GARIN1A: variants seen among roughly 807,000 people sequenced by gnomAD.
GARIN1A encodes golgi associated RAB2 interactor 1A.
the GARIN1A span, among the ~76,000 whole-genome samples, chr7:128,701,440 G>A: frequency 9.8e-6 from 1 of 102,382 alleles, no homozygotes; most frequent in Non-Finnish European, 2.0e-5. Context: ...GGGAGGGGAG[G>A]GGAGGGGAGG....
chr7:128,672,786 C>A, the GARIN1A span, among the ~76,000 whole-genome samples: 1 of 152,160 alleles, frequency 6.6e-6, no homozygotes, highest in Admixed American at 6.5e-5. Context: ...TTGATTTATG[C>A]TTTACAAATG....
chr7:128,689,276 G>A, the GARIN1A span, among the ~76,000 whole-genome samples: 15 of 151,872 alleles, frequency 9.9e-5, no homozygotes, highest in East Asian at 3.9e-4. Context: ...TCTGGGATGC[G>A]AGGAGCCCCT....
At chr7:128,678,015 C>CTTTTTT in the GARIN1A span, 17 of 173,106 alleles carry the variant, frequency 9.8e-5, 1 homozygote, top group African/African-American at 2.9e-4. Flanking sequence ...AGAAATGTTT[C>CTTTTTT]TTTTTTTTTT....
the GARIN1A span, among the ~76,000 whole-genome samples, chr7:128,674,600 T>C: frequency 6.6e-6 from 1 of 152,176 alleles, no homozygotes; most frequent in African/African-American, 2.4e-5. Flanking sequence ...TACAACCCTT[T>C]GTGTTTTGCA....
At chr7:128,678,453 CAT>C in the GARIN1A span, among the ~76,000 whole-genome samples, 9 of 152,194 alleles carry the variant, frequency 5.9e-5, no homozygotes, top group African/African-American at 2.2e-4. Context: ...GCTCTTAACA[CAT>C]ATTGCCAGAT....
the GARIN1A span, chr7:128,677,653 A>G: frequency 1.9e-6 from 3 of 1,613,850 alleles, no homozygotes; most frequent in East Asian, 2.2e-5. Context: ...AAGATCTACT[A>G]TCTGAAGCTC....
chr7:128,708,866 C>A, the GARIN1A span, among the ~76,000 whole-genome samples: 2 of 152,110 alleles, frequency 1.3e-5, no homozygotes, highest in Admixed American at 6.6e-5. Flanking sequence ...CATCAATATC[C>A]CTCATCCTTA....
chr7:128,702,052 A>T, the GARIN1A span, among the ~76,000 whole-genome samples: 7 of 152,296 alleles, frequency 4.6e-5, no homozygotes, highest in South Asian at 8.3e-4. Context: ...AAAATTCTAT[A>T]CTCAGTGAAA....
chr7:128,681,384 T>C, the GARIN1A span, among the ~76,000 whole-genome samples: 1 of 152,056 alleles, frequency 6.6e-6, no homozygotes, highest in African/African-American at 2.4e-5. Context: ...GAGCTTTCTT[T>C]CTTTTTTCTT....
chr7:128,689,697 TGAG>T, the GARIN1A span, among the ~76,000 whole-genome samples: 11 of 144,696 alleles, frequency 7.6e-5, 3 homozygotes, highest in East Asian at 1.9e-3. Context: ...GTCTGGGAAG[TGAG>T]GAGCGTCCCC....
chr7:128,697,572 CCT>C, the GARIN1A span: 1 of 152,392 alleles, frequency 6.6e-6, no homozygotes, highest in Non-Finnish European at 1.5e-5. Context: ...CTTCCCGCTC[CCT>C]CTCTCTTTCC....
the GARIN1A span, among the ~76,000 whole-genome samples, chr7:128,699,932 C>T: frequency 3.9e-5 from 6 of 151,976 alleles, no homozygotes; most frequent in Non-Finnish European, 8.8e-5. Flanking sequence ...GTGAATTGAA[C>T]GTTTTATCAT....
chr7:128,682,269 CA>C, the GARIN1A span, among the ~76,000 whole-genome samples: 2 of 152,178 alleles, frequency 1.3e-5, no homozygotes, highest in African/African-American at 4.8e-5. Context: ...GCAATCCCTT[CA>C]GGCAGCCCAG....
At chr7:128,673,329 C>A in the GARIN1A span, among the ~76,000 whole-genome samples, 1 of 146,716 alleles carries the variant, frequency 6.8e-6, no homozygotes, top group South Asian at 2.2e-4. Context: ...CCAGCTGATG[C>A]ACCAGGCATG....
chr7:128,680,203 G>C, the GARIN1A span: 1,282 of 1,028,320 alleles, frequency 1.2e-3, 13 homozygotes, highest in Non-Finnish European at 4.5e-4. Flanking sequence ...TGAAGTCATG[G>C]GGTCAACGAA....
At chr7:128,675,767 C>A in the GARIN1A span, 1 of 1,613,922 alleles carries the variant, frequency 6.2e-7, no homozygotes, top group African/African-American at 1.3e-5. Flanking sequence ...TGCCACTCCC[C>A]AATGTCCTCC....
chr7:128,681,890 C>A, the GARIN1A span, among the ~76,000 whole-genome samples: 5 of 133,568 alleles, frequency 3.7e-5, no homozygotes, highest in East Asian at 2.6e-4. Context: ...CACCCCCCCC[C>A]ACAACCCCCC....
the GARIN1A span, chr7:128,683,018 TC>T: frequency 1.2e-6 from 2 of 1,610,304 alleles, no homozygotes; most frequent in African/African-American, 1.3e-5. Context: ...AGATACCCTC[TC>T]CAGTGGCATC....
chr7:128,683,349 T>C, the GARIN1A span: 1 of 481,684 alleles, frequency 2.1e-6, no homozygotes, highest in Non-Finnish European at 3.6e-6. Context: ...ATAGGGAGGC[T>C]CCAGTTTGGG....
Sources: gnomAD v4.1 joint callset for allele counts (sites outside exome capture counted in the v4.1 genomes callset) on GRCh38, gnomAD v4.1.1 for gene constraint, MANE v1.5 for transcripts, NCBI Gene and HGNC (gene_info 2026-07-23, HGNC 2026-07-21) for gene names.